Variants in PRTG observed in about 807,000 individuals in gnomAD.
PRTG encodes the protein immunoglobulin superfamily, DCC subclass, member 5.
Under a neutral mutation model 122.5 loss-of-function variants are expected in PRTG, and 67 were observed. The ratio of observed to expected loss-of-function variants is 0.55; its 90% CI spans 0.45 to 0.67. The LOEUF (loss-of-function observed/expected upper bound fraction) is 0.67, where lower values mean the gene tolerates loss of function less well. Ranked by LOEUF, PRTG falls within the 30% of genes least tolerant of loss-of-function variation. The pLI is 0.00. For synonymous variants in PRTG, 554 were observed against 501.1 expected (o/e 1.11, Z -1.41); for missense variants, 1,435 against 1,415.4 (o/e 1.01, Z -0.22).
intron 2 of PRTG, among the ~76,000 whole-genome samples, chr15:55,731,743 C>A (rs1483739032): frequency 1.3e-5 from 2 of 152,156 alleles, no homozygotes; most frequent in South Asian, 2.1e-4. Flanking sequence ...AATACTAATA[C>A]ATTAGCAAAA....
chr15:55,679,473 T>C, intron 6 of PRTG, 28 bp from the exon 7 acceptor site: 1 of 1,568,290 alleles, frequency 6.4e-7, no homozygotes, highest in South Asian at 1.1e-5. Flanking sequence ...AATGAAATAT[T>C]TCTGTGATCC....
In PRTG at chr15:55,733,305, G is replaced by A. The variant is rs186967370; in HGVS notation, c.397+7077C>T. Among the ~76,000 whole-genome samples, 66 of 152,156 alleles carry A rather than the reference G, an allele frequency of 4.3e-4. 1 individual carries two copies. Among genetic ancestry groups the A allele is most frequent in the Admixed American group, 3.7e-3 (57 of 15,292 alleles). ...GTGGTCAGATCACCTGAGGTTGGGAGTTCGAGACCAGCCTGACCAACGTGG... is the reference window on the plus strand; with the variant it reads ...GTGGTCAGATCACCTGAGGTTGGGAATTCGAGACCAGCCTGACCAACGTGG... On this transcript the variant is annotated intron_variant, in intron 2 of 19. Coordinates refer to ENST00000389286, the MANE Select transcript of PRTG (RefSeq NM_173814.6).
intron 11 of PRTG, chr15:55,656,328 T>A (rs200043189): frequency 4.4e-6 from 2 of 455,706 alleles, no homozygotes; most frequent in South Asian, 1.6e-5. Flanking sequence ...TCCGGACTTA[T>A]CTGATGGTTT....
Position 55,680,493 on chromosome 15 carries a change from A to G in PRTG, c.812T>C (p.Leu271Pro), listed in dbSNP as rs199660451. The change falls in exon 5 of 20, where the codon CTT becomes CCT. Residue 271 changes from leucine to proline, a missense_variant and splice_region_variant. Physicochemically the swap from Leu to Pro is moderately conservative, Grantham distance 98 (BLOSUM62 -3). Coordinates refer to ENST00000389286, the MANE Select transcript of PRTG (RefSeq NM_173814.6). Reference sequence around the variant, plus strand: ...TTTTTTTTCCTGAGAAGACTTACCAAGGCGGCTCCAAGAAATGATTGGTTT... The same window carrying G: ...TTTTTTTTCCTGAGAAGACTTACCAGGGCGGCTCCAAGAAATGATTGGTTT... The part of the protein sequence containing the change: ...NPKPIISWSR[L>P]DHKSIDVFNT... The G allele has an allele frequency of 1.3e-6, 2 of 1,587,496 alleles. No individual in the cohort carries two copies. Among genetic ancestry groups the G allele is most frequent in the Non-Finnish European group, 1.7e-6 (2 of 1,169,504 alleles).
intron 13 of PRTG, 70 bp from the exon 14 acceptor site, chr15:55,638,746 TC>T: frequency 7.3e-7 from 1 of 1,365,760 alleles, no homozygotes; most frequent in Non-Finnish European, 1.0e-6. Flanking sequence ...TGTCAGCATT[TC>T]CAAATAGGTA....
chr15:55,633,567 T>C (rs905145121), intron 15 of PRTG, among the ~76,000 whole-genome samples: 4 of 152,206 alleles, frequency 2.6e-5, no homozygotes, highest in African/African-American at 7.2e-5. Flanking sequence ...TATGTAAATA[T>C]GTATAAACCT....
At chr15:55,667,263 C>T (rs1016232470) in intron 11 of PRTG, among the ~76,000 whole-genome samples, 1 of 150,108 alleles carries the variant, frequency 6.7e-6, no homozygotes, top group South Asian at 2.1e-4. Context: ...CTTACAGTTT[C>T]ATCAATCTGT....
intron 2 of PRTG, among the ~76,000 whole-genome samples, chr15:55,691,101 C>G (rs2059598056): frequency 6.6e-6 from 1 of 151,924 alleles, no homozygotes. Flanking sequence ...TCGAGACCAA[C>G]CTGGCCAACG....
chr15:55,628,281 A>G (rs920875540), intron 16 of PRTG, among the ~76,000 whole-genome samples: 3 of 152,008 alleles, frequency 2.0e-5, no homozygotes, highest in Non-Finnish European at 2.9e-5. Context: ...CCTGTGCTAC[A>G]GGGGGCACCA....
Position 55,680,545 on chromosome 15 carries a change from A to C in PRTG, c.760T>G (p.Leu254Val). 6.2e-7 allele frequency: 1 copy of C among 1,603,202 alleles called. No homozygotes were observed. The highest frequency in any genetic ancestry group is 2.2e-5 in the East Asian group (1 of 44,580). ...GGATTTCCTGTGGCCATGCATTCCA[A>C]AACTACAGTCTGATGAAGAGATGTT... ...ITTSLHQTVV[L>V]ECMATGNPKP... Residue 254 changes from leucine to valine, a missense_variant, in exon 5 of 20, where the codon TTG becomes GTG. Transcript: ENST00000389286.
intron 4 of PRTG, among the ~76,000 whole-genome samples, chr15:55,681,664 C>G (rs1413896612): frequency 1.3e-5 from 2 of 152,068 alleles, no homozygotes; most frequent in Non-Finnish European, 2.9e-5. Flanking sequence ...TTTTCATAAA[C>G]ATTGCTTTTT....
chr15:55,664,581 A>AT (rs956032501), intron 11 of PRTG, among the ~76,000 whole-genome samples: 5 of 151,780 alleles, frequency 3.3e-5, no homozygotes, highest in African/African-American at 9.7e-5. Flanking sequence ...AAATTTAGAA[A>AT]TTTTTTTTTG....
In PRTG at chr15:55,616,713, G is replaced by T. The variant is rs963716966; in HGVS notation, c.*3299C>A. On this transcript the variant is annotated 3_prime_UTR_variant, in exon 20 of 20. Transcript: ENST00000389286. ...GCGGAGGTAACCTTAAATATCTTTGGTTTTTTTCTTTTTAATTTGCTGATA... is the reference window on the plus strand; with the variant it reads ...GCGGAGGTAACCTTAAATATCTTTGTTTTTTTTCTTTTTAATTTGCTGATA... The T allele has an allele frequency of 3.3e-5, 5 of 151,926 alleles. No individual in the cohort carries two copies. Among genetic ancestry groups the T allele is most frequent in the Non-Finnish European group, 5.9e-5 (4 of 67,928 alleles). 9.4% of individuals were successfully genotyped at this position (151,926 alleles called of 1,614,324 possible).
At chr15:55,702,611 C>T (rs1455227652) in intron 2 of PRTG, among the ~76,000 whole-genome samples, 1 of 152,088 alleles carries the variant, frequency 6.6e-6, no homozygotes, top group Non-Finnish European at 1.5e-5. Flanking sequence ...AAAGTGCACA[C>T]AAAAATATTT....
chr15:55,742,742 G>T, intron 1 of PRTG, 96 bp downstream of exon 1: 2 of 1,444,614 alleles, frequency 1.4e-6, no homozygotes, highest in South Asian at 1.2e-5. Flanking sequence ...ACCCCGCCGC[G>T]CGCTCCCCAC....
intron 11 of PRTG, among the ~76,000 whole-genome samples, chr15:55,669,741 C>T (rs1038951935): frequency 6.6e-6 from 1 of 152,174 alleles, no homozygotes; most frequent in African/African-American, 2.4e-5. Flanking sequence ...TCATTCCAGC[C>T]GTGACTTGGT....
At chr15:55,659,558 T>C (rs1415401374) in intron 11 of PRTG, among the ~76,000 whole-genome samples, 1 of 152,174 alleles carries the variant, frequency 6.6e-6, no homozygotes, top group African/African-American at 2.4e-5. Context: ...AAATTGGTAA[T>C]TATAAATTAT....
At chr15:55,696,095 T>A (rs2059630684) in intron 2 of PRTG, among the ~76,000 whole-genome samples, 1 of 151,892 alleles carries the variant, frequency 6.6e-6, no homozygotes, top group Admixed American at 6.6e-5. Flanking sequence ...CACAGGGAGA[T>A]CCCATTTCTA....
chr15:55,739,261 G>GT (rs2031535302), intron 2 of PRTG, among the ~76,000 whole-genome samples: 2 of 113,784 alleles, frequency 1.8e-5, no homozygotes, highest in African/African-American at 2.8e-5. Flanking sequence ...TGGTGGTTTT[G>GT]TATTTTTTTT....
Sources: gnomAD v4.1 joint callset for allele counts (sites outside exome capture counted in the v4.1 genomes callset) on GRCh38, gnomAD v4.1.1 for gene constraint, MANE v1.5 for transcripts, NCBI Gene and HGNC (gene_info 2026-07-23, HGNC 2026-07-21) for gene names.